Variants in PRMT3 observed in about 807,000 individuals in gnomAD.
PRMT3 encodes the protein protein arginine methyltransferase 3, also known as protein arginine N-methyltransferase 3.
PRMT3 carries 62 observed loss-of-function variants against 71.9 expected under a neutral mutation model. The observed-to-expected ratio is 0.86, with a 90% CI of 0.70 to 1.07. PRMT3 has a LOEUF of 1.07. Among genes scored for constraint, PRMT3 ranks in the 50% least tolerant of loss-of-function variants. The pLI, the probability that PRMT3 is intolerant of heterozygous loss-of-function variation, is 0.00. For missense variants in PRMT3, 663 were observed against 643.0 expected (o/e 1.03, Z -0.34); for synonymous variants, 213 against 220.4 (o/e 0.97, Z 0.30).
At chr11:20,392,089 ATAAG>A in intron 3 of PRMT3, 118 bp from the exon 4 acceptor site, 1 of 887,110 alleles carries the variant, frequency 1.1e-6, no homozygotes, top group Non-Finnish European at 1.7e-6. Context: ...AATTCAAAAT[ATAAG>A]TAGTAATTTA....
At chr11:20,423,548 G>A (rs1225059674) in intron 9 of PRMT3, among the ~76,000 whole-genome samples, 1 of 151,928 alleles carries the variant, frequency 6.6e-6, no homozygotes, top group Non-Finnish European at 1.5e-5. Context: ...TTTTTACTTC[G>A]GCAGTTTAAG....
chr11:20,474,611 G>A (rs1850734151), intron 13 of PRMT3, among the ~76,000 whole-genome samples: 2 of 152,220 alleles, frequency 1.3e-5, no homozygotes, highest in Non-Finnish European at 2.9e-5. Context: ...TAGGTGCAAA[G>A]ATCCATGGGA....
intron 8 of PRMT3, among the ~76,000 whole-genome samples, chr11:20,404,222 T>G (rs1462985482): frequency 0.011 from 386 of 33,996 alleles, 32 homozygotes; most frequent in African/African-American, 0.022. Context: ...TTTTTTTTTT[T>G]TTTTTTTTTT....
chr11:20,502,538 T>A (rs1289086702), intron 15 of PRMT3, among the ~76,000 whole-genome samples: 1 of 152,234 alleles, frequency 6.6e-6, no homozygotes, highest in African/African-American at 2.4e-5. Context: ...TTTTCTTTTG[T>A]GAAAAATTAA....
intron 13 of PRMT3, among the ~76,000 whole-genome samples, chr11:20,486,414 A>G (rs1442752882): frequency 2.0e-5 from 3 of 152,198 alleles, no homozygotes; most frequent in African/African-American, 2.4e-5. Context: ...TGGTGGAACT[A>G]TGGTGCTGGA....
chr11:20,429,379 G>C lies in PRMT3; in HGVS notation c.993+2514G>C, dbSNP rs150177986. On this transcript the variant is annotated intron_variant, in intron 10 of 15. Transcript: ENST00000331079. ...AATGCTGGCCTGCCACTCACCTCTT[G>C]CTGTGTAGTCCAGTTCCTAACAGGC... Among the ~76,000 whole-genome samples, 43 of 152,304 alleles carry C rather than the reference G, an allele frequency of 2.8e-4. No individual in the cohort carries two copies. In the East Asian group the frequency reaches 6.6e-3, roughly 23 times the overall value.
chr11:20,507,891 G>A (rs577871719), intron 15 of PRMT3, among the ~76,000 whole-genome samples: 1 of 152,184 alleles, frequency 6.6e-6, no homozygotes, highest in African/African-American at 2.4e-5. Flanking sequence ...TGGATCACCT[G>A]AGGTCAGGAG....
intron 10 of PRMT3, among the ~76,000 whole-genome samples, chr11:20,446,540 A>T (rs1202114881): frequency 6.6e-6 from 1 of 152,120 alleles, no homozygotes; most frequent in Non-Finnish European, 1.5e-5. Flanking sequence ...CCACAGGAAC[A>T]TGAAAATATT....
intron 13 of PRMT3, among the ~76,000 whole-genome samples, chr11:20,489,418 CAT>C (rs1851156140): frequency 6.6e-6 from 1 of 152,110 alleles, no homozygotes; most frequent in Non-Finnish European, 1.5e-5. Context: ...CTTTTACGAG[CAT>C]ATGTCAAGTT....
chr11:20,472,032 T>G (rs1051140838), intron 13 of PRMT3, among the ~76,000 whole-genome samples: 3 of 152,140 alleles, frequency 2.0e-5, no homozygotes, highest in Non-Finnish European at 2.9e-5. Flanking sequence ...GCTAGTGACT[T>G]TTTGCTCATT....
intron 10 of PRMT3, among the ~76,000 whole-genome samples, chr11:20,442,795 C>T (rs1016357699): frequency 1.3e-5 from 2 of 152,156 alleles, no homozygotes; most frequent in African/African-American, 2.4e-5. Context: ...AATTAATGCT[C>T]ATTTGAATTT....
rs998135204 is a variant in PRMT3 at position 20,414,139 on chromosome 11, G to A, written c.893+6107G>A. ...AGGCTGAGGTAGAAGGATCCCTTGAGACCAAGGAGTTTAAGACCAACCTGG... is the reference window on the plus strand; with the variant it reads ...AGGCTGAGGTAGAAGGATCCCTTGAAACCAAGGAGTTTAAGACCAACCTGG... On this transcript the variant is annotated intron_variant, in intron 9 of 15. Transcript: ENST00000331079. Among the ~76,000 whole-genome samples, 17 of 152,060 alleles carry A rather than the reference G, an allele frequency of 1.1e-4. No individual in the cohort carries two copies. In the East Asian group the frequency reaches 3.3e-3, roughly 29 times the overall value.
At chr11:20,440,421 G>A (rs907833248) in intron 10 of PRMT3, among the ~76,000 whole-genome samples, 76 of 139,996 alleles carry the variant, frequency 5.4e-4, no homozygotes, top group African/African-American at 1.6e-3. Flanking sequence ...CAAGGCGGGC[G>A]AATCACGAGG....
chr11:20,473,159 A>G (rs1850692501), intron 13 of PRMT3, among the ~76,000 whole-genome samples: 1 of 151,656 alleles, frequency 6.6e-6, no homozygotes, highest in Admixed American at 6.6e-5. Context: ...AGTCTATCGT[A>G]TTAATTTTTT....
intron 15 of PRMT3, among the ~76,000 whole-genome samples, chr11:20,503,839 G>A (rs191573701): frequency 1.3e-5 from 2 of 152,216 alleles, no homozygotes; most frequent in East Asian, 3.9e-4. Context: ...TCTTGGGTAA[G>A]TACCTAGAAG....
chr11:20,388,263 G>T, intron 2 of PRMT3, 109 bp downstream of exon 2: 1 of 1,481,828 alleles, frequency 6.7e-7, no homozygotes, highest in South Asian at 1.2e-5. Flanking sequence ...GCCTGTCTTT[G>T]AATTCTGGAA....
intron 8 of PRMT3, chr11:20,405,671 T>C (rs967118103): frequency 1.3e-5 from 2 of 152,198 alleles, no homozygotes; most frequent in Non-Finnish European, 2.9e-5. Context: ...TATGTATGGA[T>C]AGTCTTACAA....
At chr11:20,437,832 G>A (rs6483687) in intron 10 of PRMT3, among the ~76,000 whole-genome samples, 107,145 of 151,830 alleles carry the variant, frequency 0.71, 39,539 homozygotes, top group Non-Finnish European at 0.83. Context: ...CTCGTGATCC[G>A]CCCGCCTCGG....
chr11:20,425,369 G>A (rs1849524671), intron 9 of PRMT3, among the ~76,000 whole-genome samples: 1 of 152,196 alleles, frequency 6.6e-6, no homozygotes, highest in South Asian at 2.1e-4. Flanking sequence ...TATATGCTTT[G>A]TAAAACAAGT....
Sources: gnomAD v4.1 joint callset for allele counts (sites outside exome capture counted in the v4.1 genomes callset) on GRCh38, gnomAD v4.1.1 for gene constraint, MANE v1.5 for transcripts, NCBI Gene and HGNC (gene_info 2026-07-23, HGNC 2026-07-21) for gene names.